The following CSMD1 variants were observed in gnomAD, a reference collection of about 807,000 sequenced individuals.
The protein encoded by CSMD1 is CUB and sushi domain-containing protein 1.
CSMD1 carries 213 observed loss-of-function variants against 417.5 expected under a neutral mutation model. The ratio of observed to expected loss-of-function variants is 0.51; its 90% CI spans 0.46 to 0.57. CSMD1 has a LOEUF of 0.57. Among genes scored for constraint, CSMD1 ranks in the 20% least tolerant of loss-of-function variants. The pLI is 0.00. For synonymous variants in CSMD1, 2,862 were observed against 1,736.8 expected (o/e 1.65, Z -16.11); for missense variants, 6,923 against 4,529.7 (o/e 1.53, Z -15.17).
At chr8:3,876,967 CATAAG>C (rs1805866208) in intron 5 of CSMD1, among the ~76,000 whole-genome samples, 1 of 152,196 alleles carries the variant, frequency 6.6e-6, no homozygotes, top group African/African-American at 2.4e-5. Flanking sequence ...AGAAATAATT[CATAAG>C]TCATAACACA....
At chr8:4,627,451 AG>A (rs1220510801) in intron 2 of CSMD1, among the ~76,000 whole-genome samples, 4 of 152,186 alleles carry the variant, frequency 2.6e-5, no homozygotes, top group African/African-American at 4.8e-5. Context: ...TGAAGAAAAA[AG>A]AATAGAAGTA....
At chr8:3,052,363 T>G (rs1811873405) in intron 50 of CSMD1, 99 bp downstream of exon 50, 2 of 776,518 alleles carry the variant, frequency 2.6e-6, no homozygotes, top group Admixed American at 5.8e-5. Flanking sequence ...TCACAAGGTG[T>G]GGGAGAGGAC....
intron 3 of CSMD1, among the ~76,000 whole-genome samples, chr8:4,240,277 C>G (rs541901042): frequency 1.3e-5 from 2 of 152,304 alleles, no homozygotes; most frequent in South Asian, 4.1e-4. Flanking sequence ...ACTGGGAAAC[C>G]TCTGATTGCT....
rs188780362 is a variant in CSMD1 at position 2,992,433 on chromosome 8, G to T, written c.8377+5578C>A. On this transcript the variant is annotated intron_variant, in intron 54 of 69. Coordinates refer to ENST00000635120, the MANE Select transcript of CSMD1 (RefSeq NM_033225.6). ...TTTGATTTGCTTTGTTGTTGTTGCT[G>T]TTTTTTTTTTAATGAAGTCTCGCTC... Among the ~76,000 whole-genome samples the T allele has an allele frequency of 5.5e-3, 822 of 148,394 alleles. 7 individuals are homozygous for T. The highest frequency in any genetic ancestry group is 0.019 in the African/African-American group (783 of 40,626).
chr8:3,958,828 G>C (rs1193486290), intron 5 of CSMD1, among the ~76,000 whole-genome samples: 1 of 152,340 alleles, frequency 6.6e-6, no homozygotes, highest in African/African-American at 2.4e-5. Flanking sequence ...AGGATCTGCA[G>C]AGGAAATTGT....
At chr8:3,345,612 C>G (rs1161062691) in intron 22 of CSMD1, among the ~76,000 whole-genome samples, 3 of 152,134 alleles carry the variant, frequency 2.0e-5, no homozygotes, top group African/African-American at 7.2e-5. Flanking sequence ...CTATAAGTAG[C>G]TAGATTCAAA....
rs1458751393 is a variant in CSMD1 at position 3,018,587 on chromosome 8, T to A, written c.7919A>T (p.Tyr2640Phe). The A allele has an allele frequency of 4.3e-6, 7 of 1,613,514 alleles. No individual in the cohort carries two copies. The highest frequency in any genetic ancestry group is 5.9e-6 in the Non-Finnish European group (7 of 1,179,818). ...NGNKIGTLTV[Y>F]GATAIFTCNT... ...GCACGTAAATATAGCTGTGGCCCCA[T>A]AAACTGTCAACGTTCCAATCTTGTT... The change falls in exon 52 of 70, where the codon TAT becomes TTT. Residue 2640 changes from tyrosine (Y) to phenylalanine (F), a missense_variant. Physicochemically the swap from Tyr to Phe is conservative, Grantham distance 22. Coordinates refer to ENST00000635120, the MANE Select transcript of CSMD1 (RefSeq NM_033225.6).
intron 1 of CSMD1, among the ~76,000 whole-genome samples, chr8:4,950,324 T>G (rs1808655484): frequency 6.6e-6 from 1 of 152,208 alleles, no homozygotes; most frequent in South Asian, 2.1e-4. Flanking sequence ...CAAGTGACAT[T>G]TGCAGTTGTC....
At chr8:3,513,164 G>A (rs1186019444) in intron 10 of CSMD1, among the ~76,000 whole-genome samples, 2 of 151,212 alleles carry the variant, frequency 1.3e-5, no homozygotes, top group Non-Finnish European at 2.9e-5. Flanking sequence ...CAGCTACAAT[G>A]CCTAGACTTT....
At chr8:4,821,799 T>C (rs559293885) in intron 1 of CSMD1, among the ~76,000 whole-genome samples, 2 of 152,224 alleles carry the variant, frequency 1.3e-5, no homozygotes, top group South Asian at 4.2e-4. Context: ...AGCAATTGGG[T>C]ACGTGTAACT....
At chr8:4,002,405 AC>A (rs1815759822) in intron 4 of CSMD1, among the ~76,000 whole-genome samples, 1 of 152,216 alleles carries the variant, frequency 6.6e-6, no homozygotes, top group Non-Finnish European at 1.5e-5. Context: ...AAGAAGAGCT[AC>A]CTAACTAATA....
intron 48 of CSMD1, among the ~76,000 whole-genome samples, chr8:3,091,280 G>A (rs937957484): frequency 2.0e-5 from 3 of 151,846 alleles, no homozygotes; most frequent in Admixed American, 6.6e-5. Context: ...TCTATAATAT[G>A]AATTTCAGCA....
At chr8:4,110,637 G>GTGA (rs61199442) in intron 3 of CSMD1, among the ~76,000 whole-genome samples, 150,515 of 152,170 alleles carry the variant, frequency 0.99, 74,466 homozygotes, top group East Asian at 1. Flanking sequence ...GATATATACA[G>GTGA]GTGTGTGTGT....
At chr8:3,910,504 T>C (rs561878113) in intron 5 of CSMD1, among the ~76,000 whole-genome samples, 52 of 152,306 alleles carry the variant, frequency 3.4e-4, no homozygotes, top group African/African-American at 1.1e-3. Context: ...CAAGTAAACA[T>C]TATACAAATT....
At chr8:3,436,821 G>C (rs1330222495) in intron 12 of CSMD1, among the ~76,000 whole-genome samples, 1 of 152,096 alleles carries the variant, frequency 6.6e-6, no homozygotes, top group African/African-American at 2.4e-5. Context: ...CATGGCTATA[G>C]ATTTTTGTCA....
In CSMD1 at chr8:3,981,923, G is replaced by A. The variant is rs185734442; in HGVS notation, c.818+15980C>T. On this transcript the variant is annotated intron_variant, in intron 5 of 69. Transcript: ENST00000635120. ...CTAGTTACAATTGCCTGTAATCCCG[G>A]CACTTTGGGAGGCCGAGGCAGGTGG... is the stretch of plus-strand genomic sequence containing the variant. Among the ~76,000 whole-genome samples the A allele has an allele frequency of 7.9e-5, 12 of 152,168 alleles. No homozygotes were observed. The East Asian group carries it at 2.3e-3, about 29-fold the overall frequency.
intron 1 of CSMD1, among the ~76,000 whole-genome samples, chr8:4,792,837 T>C (rs991576170): frequency 2.6e-5 from 4 of 152,276 alleles, no homozygotes; most frequent in African/African-American, 7.2e-5. Flanking sequence ...CAAAGCTCAA[T>C]TTTAACAGGT....
At chr8:4,376,477 A>C (rs997210342) in intron 3 of CSMD1, among the ~76,000 whole-genome samples, 1 of 152,182 alleles carries the variant, frequency 6.6e-6, no homozygotes, top group Non-Finnish European at 1.5e-5. Context: ...TTAGAAAGAA[A>C]ACCTCCATTT....
At chr8:3,894,928 T>C (rs911256268) in intron 5 of CSMD1, among the ~76,000 whole-genome samples, 1 of 152,176 alleles carries the variant, frequency 6.6e-6, no homozygotes, top group African/African-American at 2.4e-5. Flanking sequence ...CACTGTACCA[T>C]ACAGATGACA....
Sources: allele counts gnomAD v4.1 joint callset (sites outside exome capture counted in the v4.1 genomes callset), GRCh38; gene constraint gnomAD v4.1.1; transcripts MANE v1.5; gene names NCBI Gene and HGNC (gene_info 2026-07-23, HGNC 2026-07-21).